The following RABGAP1L variants were observed in gnomAD, a reference collection of about 807,000 sequenced individuals.
RABGAP1L encodes rab GTPase-activating protein 1-like.
In RABGAP1L, 63 loss-of-function variants were observed where a neutral mutation model predicts 137.7. The ratio of observed to expected loss-of-function variants is 0.46; its 90% confidence interval spans 0.37 to 0.56. RABGAP1L has a LOEUF of 0.56. RABGAP1L is among the 20% of genes least tolerant of loss of function. The pLI is 0.00. For synonymous variants in RABGAP1L, 431 were observed against 433.7 expected (o/e 0.99, Z 0.08); for missense variants, 1,095 against 1,244.0 (o/e 0.88, Z 1.80).
At chr1:174,648,710 T>G (rs534332579) in intron 14 of RABGAP1L, among the ~76,000 whole-genome samples, 1 of 152,276 alleles carries the variant, frequency 6.6e-6, no homozygotes, top group Admixed American at 6.5e-5. Flanking sequence ...TAGATATCTA[T>G]TAGGTCCGCT....
At chr1:174,397,232 T>C (rs1647980211) in intron 13 of RABGAP1L, among the ~76,000 whole-genome samples, 2 of 152,204 alleles carry the variant, frequency 1.3e-5, no homozygotes, top group African/African-American at 4.8e-5. Flanking sequence ...TTACATTTTT[T>C]AGATTTCTTC....
intron 1 of RABGAP1L, among the ~76,000 whole-genome samples, chr1:174,172,425 A>G (rs1326869823): frequency 1.3e-5 from 2 of 152,180 alleles, no homozygotes; most frequent in Non-Finnish European, 2.9e-5. Flanking sequence ...AGGAACTTCT[A>G]TACCATTTTC....
chr1:174,649,556 C>T (rs1184715969), intron 14 of RABGAP1L, among the ~76,000 whole-genome samples: 6 of 152,026 alleles, frequency 3.9e-5, no homozygotes, highest in East Asian at 1.9e-4. Context: ...GTAGGGTTTC[C>T]TCAGAGAGAT....
At chr1:174,930,143 C>A (rs1663544487) in intron 19 of RABGAP1L, among the ~76,000 whole-genome samples, 1 of 151,720 alleles carries the variant, frequency 6.6e-6, no homozygotes, top group South Asian at 2.1e-4. Flanking sequence ...ACTACCATGG[C>A]TGGCTGCTAA....
intron 19 of RABGAP1L, among the ~76,000 whole-genome samples, chr1:174,836,526 A>C (rs1692772082): frequency 6.6e-6 from 1 of 152,212 alleles, no homozygotes; most frequent in African/African-American, 2.4e-5. Context: ...ATCATAAATC[A>C]AAGTTGAGAA....
At chr1:174,867,493 T>C (rs988915485) in intron 19 of RABGAP1L, among the ~76,000 whole-genome samples, 1 of 152,204 alleles carries the variant, frequency 6.6e-6, no homozygotes, top group African/African-American at 2.4e-5. Context: ...AACTTCTATT[T>C]CAGGATTTCT....
At chr1:174,859,743 C>G (rs1393259054) in intron 19 of RABGAP1L, among the ~76,000 whole-genome samples, 1 of 151,888 alleles carries the variant, frequency 6.6e-6, no homozygotes, top group Non-Finnish European at 1.5e-5. Flanking sequence ...GGATACTAAG[C>G]TTAATACCTG....
intron 15 of RABGAP1L, among the ~76,000 whole-genome samples, chr1:174,684,077 G>A (rs1188340904): frequency 1.3e-5 from 2 of 152,170 alleles, no homozygotes; most frequent in African/African-American, 4.8e-5. Flanking sequence ...TGTTCTCAAA[G>A]ACTTCATAGT....
rs1469314573 is a variant in RABGAP1L, at chr1:174,995,237, G to C, written c.*5236G>C. The C allele has an allele frequency of 6.6e-6, 1 of 152,238 alleles. No homozygotes were observed. The highest frequency in any genetic ancestry group is 1.5e-5 in the Non-Finnish European group (1 of 68,032). 9.4% of individuals were successfully genotyped at this position (152,238 alleles called of 1,614,324 possible). On this transcript the variant is annotated 3_prime_UTR_variant, in exon 26 of 26. Coordinates refer to ENST00000681986, the MANE Select transcript of RABGAP1L (RefSeq NM_001366446.1). ...ACAAGGTGACTGTTTTTGTGAGCCAGTGATGTTTTCAATGCTTTGTGTTGC... is the reference window on the plus strand; with the variant it reads ...ACAAGGTGACTGTTTTTGTGAGCCACTGATGTTTTCAATGCTTTGTGTTGC...
intron 13 of RABGAP1L, among the ~76,000 whole-genome samples, chr1:174,539,434 C>A (rs763220991): frequency 2.6e-5 from 4 of 152,038 alleles, no homozygotes; most frequent in Admixed American, 6.6e-5. Flanking sequence ...TAATGCTATC[C>A]CTTCCCTGTC....
chr1:174,865,757 GA>G (rs1311934203), intron 19 of RABGAP1L, among the ~76,000 whole-genome samples: 1 of 152,112 alleles, frequency 6.6e-6, no homozygotes, highest in African/African-American at 2.4e-5. Context: ...AACATAGCAA[GA>G]ACCTGTAACT....
intron 11 of RABGAP1L, among the ~76,000 whole-genome samples, chr1:174,348,665 C>T (rs867444054): frequency 8.2e-5 from 12 of 146,852 alleles, no homozygotes; most frequent in East Asian, 6.1e-4. Context: ...TGACTCTTAA[C>T]GAGCATGCTG....
intron 14 of RABGAP1L, among the ~76,000 whole-genome samples, chr1:174,676,838 T>C (rs1483219582): frequency 6.6e-6 from 1 of 152,062 alleles, no homozygotes; most frequent in Non-Finnish European, 1.5e-5. Context: ...GAATTTTTCC[T>C]TCCTTCCTTC....
intron 19 of RABGAP1L, among the ~76,000 whole-genome samples, chr1:174,889,603 T>G (rs1319618112): frequency 1.3e-5 from 2 of 152,206 alleles, no homozygotes; most frequent in Middle Eastern, 3.4e-3. Flanking sequence ...TTGTTTGTTT[T>G]TTTTTGTAGA....
chr1:174,597,779 G>A (rs995347080), intron 13 of RABGAP1L, among the ~76,000 whole-genome samples: 3 of 151,938 alleles, frequency 2.0e-5, no homozygotes, highest in African/African-American at 4.8e-5. Context: ...TTTAATGTAG[G>A]CACTTACTGG....
At position 174,991,612 on chromosome 1, in the gene RABGAP1L, T is replaced by C. The variant is rs751227427; in HGVS notation, c.*1611T>C. ...GCCCATAAAACTGATGTGATTGTTA[T>C]GTTATACTCATCAGATAATACTTTT... On this transcript the variant is annotated 3_prime_UTR_variant, in exon 26 of 26. Transcript: ENST00000681986. 3.3e-5 allele frequency: 5 copies of C among 152,206 alleles called. No individual in the cohort carries two copies. The highest frequency in any genetic ancestry group is 5.9e-5 in the Non-Finnish European group (4 of 68,044). The allele number at this position is 152,206 out of a possible 1,614,324, so 9.4% of individuals were successfully genotyped here. A position where few individuals can be genotyped will look rare whatever the true frequency, so the allele number is the denominator to read the frequency against.
At chr1:174,514,509 C>T (rs1269479790) in intron 13 of RABGAP1L, among the ~76,000 whole-genome samples, 4 of 152,106 alleles carry the variant, frequency 2.6e-5, no homozygotes, top group Admixed American at 2.6e-4. Flanking sequence ...TGATTTTTAT[C>T]ATGAATTAAA....
Position 174,250,568 on chromosome 1 carries a change from A to G in RABGAP1L, c.811A>G (p.Ser271Gly). Reference sequence around the variant, plus strand: ...AGACTCAGTTATTCCTACCCCCGACAGTGATGTGTTTACCTTCAGTGTCTC... The same window carrying G: ...AGACTCAGTTATTCCTACCCCCGACGGTGATGTGTTTACCTTCAGTGTCTC... The part of the protein sequence containing the change: ...VKDSVIPTPD[S>G]DVFTFSVSLE... The change falls in exon 6 of 26, where the codon AGT (serine) becomes GGT (glycine). Residue 271 changes from serine (S) to glycine (G), a missense_variant. Physicochemically the swap from Ser to Gly is moderately conservative, Grantham distance 56 (BLOSUM62 0). This residue lies in a region of RABGAP1L where 356 missense variants were observed against 326.3 expected (regional missense o/e 1.09). Coordinates refer to ENST00000681986, the MANE Select transcript of RABGAP1L (RefSeq NM_001366446.1). 1.2e-6 allele frequency: 2 copies of G among 1,614,022 alleles called. No homozygotes were observed. Among genetic ancestry groups the G allele is most frequent in the Non-Finnish European group, 1.7e-6 (2 of 1,179,932 alleles).
chr1:174,783,537 T>A (rs1255852044), intron 18 of RABGAP1L, among the ~76,000 whole-genome samples: 1 of 152,116 alleles, frequency 6.6e-6, no homozygotes, highest in East Asian at 1.9e-4. Context: ...TTGTAATGAC[T>A]TCATTATTCA....
Sources: gnomAD v4.1 joint callset for allele counts (sites outside exome capture counted in the v4.1 genomes callset) on GRCh38, gnomAD v4.1.1 for gene constraint, gnomAD v4.1.1 regional missense constraint, MANE v1.5 for transcripts, NCBI Gene and HGNC (gene_info 2026-07-23, HGNC 2026-07-21) for gene names.